The following DACH2 variants were observed in gnomAD, a reference collection of about 807,000 sequenced individuals.
The protein encoded by DACH2 is dachshund family transcription factor 2.
A neutral mutation model predicts 35.8 loss-of-function variants in DACH2; 17 were observed. The ratio of observed to expected loss-of-function variants is 0.48; its 90% CI spans 0.33 to 0.71. The LOEUF is 0.71. Ranked by LOEUF, DACH2 falls within the 30% of genes least tolerant of loss-of-function variation. DACH2 has a pLI of 0.02. For synonymous variants in DACH2, 195 were observed against 177.3 expected (o/e 1.10, Z -0.79); for missense variants, 469 against 472.7 (o/e 0.99, Z 0.07).
chrX:86,362,208 G>C (rs2035748760), intron 1 of DACH2, among the ~76,000 whole-genome samples: 1 of 111,168 alleles, frequency 9.0e-6, no homozygotes. Flanking sequence ...TCAGAAGTGG[G>C]ACAGTTATTA....
At chrX:86,602,379 G>T (rs952978292) in intron 3 of DACH2, among the ~76,000 whole-genome samples, 1 of 111,974 alleles carries the variant, frequency 8.9e-6, no homozygotes, top group Non-Finnish European at 1.9e-5. Context: ...ACGACTATTG[G>T]GTTATGTGGT....
At chrX:86,506,110 C>T (rs911319010) in intron 2 of DACH2, among the ~76,000 whole-genome samples, 1 of 111,751 alleles carries the variant, frequency 8.9e-6, no homozygotes, top group Non-Finnish European at 1.9e-5. Flanking sequence ...TCTGGATGGG[C>T]TTGACTGGGT....
At chrX:86,457,203 G>C (rs2037491345) in intron 2 of DACH2, among the ~76,000 whole-genome samples, 1 of 111,959 alleles carries the variant, frequency 8.9e-6, no homozygotes, top group Non-Finnish European at 1.9e-5. Context: ...GAAGCAGTAA[G>C]AATGAGTCAT....
chrX:86,148,679 G>A lies in DACH2; in HGVS notation c.59G>A (p.Gly20Glu), dbSNP rs1178959451. The change falls in exon 1 of 12, where the codon GGG becomes GAG. Residue 20 changes from glycine (G) to glutamate (E), a missense_variant. Coordinates refer to ENST00000373125, the MANE Select transcript of DACH2 (RefSeq NM_053281.3). ...ACTTCCAGCGGCGCCGGCGTCCCGG[G>A]GGGCTTATTCCGGGCCGAACCCCTG... ...SATSSGAGVP[G>E]GLFRAEPLYS... 1.7e-6 allele frequency: 2 copies of A among 1,205,093 alleles called. No individual in the cohort carries two copies. Among genetic ancestry groups the A allele is most frequent in the East Asian group, 3.0e-5 (1 of 33,496 alleles).
intron 1 of DACH2, among the ~76,000 whole-genome samples, chrX:86,286,115 GTTTT>G (rs753864299): frequency 2.2e-5 from 1 of 45,769 alleles, no homozygotes; most frequent in African/African-American, 1.0e-4. Context: ...CAGCCAGTCT[GTTTT>G]TTTTTTTTTT....
chrX:86,575,097 G>C (rs1441215003), intron 3 of DACH2, among the ~76,000 whole-genome samples: 4 of 111,000 alleles, frequency 3.6e-5, no homozygotes, highest in Non-Finnish European at 5.7e-5. Flanking sequence ...GTGGATCATT[G>C]GTTTGCTGAT....
intron 3 of DACH2, among the ~76,000 whole-genome samples, chrX:86,531,812 C>A (rs2038725363): frequency 8.9e-6 from 1 of 111,999 alleles, no homozygotes; most frequent in Non-Finnish European, 1.9e-5. Flanking sequence ...GGAGCTCCAC[C>A]AACAGCTTGC....
intron 2 of DACH2, among the ~76,000 whole-genome samples, chrX:86,469,097 C>T (rs1034085293): frequency 9.0e-5 from 10 of 110,930 alleles, no homozygotes; most frequent in African/African-American, 3.3e-4. Context: ...TGAAATAAGC[C>T]AGGCACAGAT....
chrX:86,563,030 A>T (rs1405274163), intron 3 of DACH2, among the ~76,000 whole-genome samples: 1 of 111,178 alleles, frequency 9.0e-6, no homozygotes, highest in African/African-American at 3.3e-5. Context: ...ATTCATGACT[A>T]TATTTTGCTG....
At chrX:86,702,818 T>C (rs961908858) in intron 5 of DACH2, among the ~76,000 whole-genome samples, 2 of 111,485 alleles carry the variant, frequency 1.8e-5, no homozygotes, top group African/African-American at 6.5e-5. Flanking sequence ...CAGGGCTAGA[T>C]GGATTGAAAG....
At position 86,714,638 on chromosome X, in the gene DACH2, A is replaced by T. The variant is rs886991950; in HGVS notation, c.1022A>T (p.Asn341Ile). Residue 341 changes from asparagine to isoleucine, a missense_variant, in exon 6 of 12, where the codon AAC (asparagine) becomes ATC (isoleucine). By Grantham distance (149) the Asn-to-Ile change is moderately radical. This residue lies in a region of DACH2 where 363 missense variants were observed against 334.4 expected (regional missense o/e 1.09). Coordinates refer to ENST00000373125, the MANE Select transcript of DACH2 (RefSeq NM_053281.3). ...GTTGCCATGGCAATGAATCAGATGA[A>T]CCATCTCAATACTATTGCCAACATG... ...ASVAMAMNQM[N>I]HLNTIANMAA... 1.7e-6 allele frequency: 2 copies of T among 1,209,033 alleles called. No individual in the cohort carries two copies. Among genetic ancestry groups the T allele is most frequent in the African/African-American group, 3.5e-5 (2 of 57,785 alleles).
chrX:86,562,309 T>G (rs1285978902), intron 3 of DACH2, among the ~76,000 whole-genome samples: 1 of 111,258 alleles, frequency 9.0e-6, no homozygotes, highest in African/African-American at 3.3e-5. Flanking sequence ...CTTCTCAATT[T>G]ATCTGTGGCA....
At chrX:86,779,430 G>T (rs935188434) in intron 7 of DACH2, among the ~76,000 whole-genome samples, 9 of 111,804 alleles carry the variant, frequency 8.0e-5, no homozygotes, top group African/African-American at 2.9e-4. Flanking sequence ...TCCAGATCAT[G>T]TAAGACTTTA....
chrX:86,358,570 C>A (rs2035683006), intron 1 of DACH2, among the ~76,000 whole-genome samples: 1 of 109,785 alleles, frequency 9.1e-6, no homozygotes, highest in South Asian at 4.0e-4. Context: ...ACCCTCTTAT[C>A]ATTAGGCTAC....
At chrX:86,314,735 G>A (rs765447908) in intron 1 of DACH2, among the ~76,000 whole-genome samples, 46 of 111,971 alleles carry the variant, frequency 4.1e-4, no homozygotes, top group African/African-American at 1.3e-3. Flanking sequence ...GTGTGGTCTG[G>A]CTAGATCAAA....
At chrX:86,270,107 T>C (rs750815237) in intron 1 of DACH2, among the ~76,000 whole-genome samples, 14 of 105,117 alleles carry the variant, frequency 1.3e-4, no homozygotes, top group Non-Finnish European at 2.5e-4. Context: ...ATTCTTCCAC[T>C]GGGTTGGCTT....
At chrX:86,737,733 A>G (rs1311650046) in intron 6 of DACH2, among the ~76,000 whole-genome samples, 1 of 111,548 alleles carries the variant, frequency 9.0e-6, no homozygotes, top group Non-Finnish European at 1.9e-5. Context: ...AGAATCTGTT[A>G]TCTGTTTTCT....
chrX:86,483,282 TAATA>T (rs1370723335), intron 2 of DACH2, among the ~76,000 whole-genome samples: 1 of 111,261 alleles, frequency 9.0e-6, no homozygotes, highest in Non-Finnish European at 1.9e-5. Flanking sequence ...TACCTGATGT[TAATA>T]AATAAATTCA....
intron 2 of DACH2, among the ~76,000 whole-genome samples, chrX:86,441,199 A>G (rs899434567): frequency 5.4e-5 from 6 of 111,260 alleles, no homozygotes; most frequent in African/African-American, 2.0e-4. Context: ...ATTTATCAAT[A>G]TTAGATCTTA....
Sources: allele counts gnomAD v4.1 joint callset (sites outside exome capture counted in the v4.1 genomes callset), GRCh38; gene constraint gnomAD v4.1.1; regional missense constraint gnomAD v4.1.1; transcripts MANE v1.5; gene names NCBI Gene and HGNC (gene_info 2026-07-23, HGNC 2026-07-21).